Variants in ESRP2 observed in about 807,000 individuals in gnomAD.
ESRP2 encodes the protein epithelial splicing regulatory protein 2.
A neutral mutation model predicts 78.6 loss-of-function variants in ESRP2; 48 were observed. The observed-to-expected ratio is 0.61, with a 90% confidence interval of 0.48 to 0.78. The LOEUF is 0.78. ESRP2 is among the 30% of genes least tolerant of loss of function. ESRP2 has a pLI of 0.00. For synonymous variants in ESRP2, 383 were observed against 406.7 expected, an observed-to-expected ratio of 0.94 and a Z score of 0.70; for missense variants, 863 against 965.9, an observed-to-expected ratio of 0.89 and a Z score of 1.41.
At chr16:68,233,113 C>T (rs1303167930) in intron 5 of ESRP2, 6 of 606,594 alleles carry the variant, frequency 9.9e-6, no homozygotes, top group South Asian at 4.1e-5. Context: ...ACAGGAGAAT[C>T]GCTTGAACCC....
At position 68,235,502 on chromosome 16, in the gene ESRP2, G is replaced by C; in HGVS notation, c.327+132C>G. ...CACGCACACGCGAGAGTCGCTCAAA[G>C]TTTCAAACAAGAGCCCAGTCCTGCC... is the stretch of plus-strand genomic sequence containing the variant. On this transcript the variant is annotated intron_variant, in intron 2 of 14. Coordinates refer to ENST00000473183, the MANE Select transcript of ESRP2 (RefSeq NM_024939.3). This position sits in a 1 kb window ranked among gnomAD's most constrained non-coding sequence, Gnocchi z 5.5. The C allele has an allele frequency of 6.9e-7, 1 of 1,458,430 alleles. No individual in the cohort carries two copies. Among genetic ancestry groups the C allele is most frequent in the Non-Finnish European group, 9.0e-7 (1 of 1,111,878 alleles). The allele number at this position is 1,458,430 out of a possible 1,614,324, so 90.3% of individuals were successfully genotyped here.
chr16:68,233,531 A>G, intron 4 of ESRP2, 106 bp from the exon 5 acceptor site: 1 of 928,122 alleles, frequency 1.1e-6, no homozygotes, highest in East Asian at 2.4e-5. Flanking sequence ...ACCAGCATAC[A>G]CATTTGTTTT....
Position 68,233,812 on chromosome 16 carries a change from C to A in ESRP2, c.512G>T (p.Ser171Ile). 1 of 1,614,110 alleles carries A rather than the reference C, an allele frequency of 6.2e-7. No homozygotes were observed. Among genetic ancestry groups the A allele is most frequent in the Non-Finnish European group, 8.5e-7 (1 of 1,180,018 alleles). Residue 171 changes from serine to isoleucine, a missense_variant, in exon 4 of 15, where the codon AGC becomes ATC. By Grantham distance (142) the Ser-to-Ile change is moderately radical. Coordinates refer to ENST00000473183, the MANE Select transcript of ESRP2 (RefSeq NM_024939.3). The stretch of plus-strand genomic sequence containing the variant: ...AGTGAGGTCCCTGGCAGGGCAGGTG[C>A]TTGGATGCTGCATATGGAATTCTCT... ...LRREFHMQHP[S>I]TCPARDLTVA...
Position 68,231,731 on chromosome 16 carries a change from G to A in ESRP2, c.1300-37C>T. 1.9e-6 allele frequency: 3 copies of A among 1,594,234 alleles called. No individual in the cohort carries two copies. Among genetic ancestry groups the A allele is most frequent in the Non-Finnish European group, 2.6e-6 (3 of 1,167,400 alleles). ...GGCAGCAACAGGCTGGTCATGCCAAGTAGGGCAGGGACACAGAGGGCCGCC... is the reference window on the plus strand; with the variant it reads ...GGCAGCAACAGGCTGGTCATGCCAAATAGGGCAGGGACACAGAGGGCCGCC... On this transcript the variant is annotated intron_variant, in intron 10 of 14. Transcript: ENST00000473183. This position sits in a 1 kb window ranked among gnomAD's most constrained non-coding sequence, Gnocchi z 6.0.
intron 2 of ESRP2, 109 bp from the exon 3 acceptor site, chr16:68,234,216 T>C: frequency 1.2e-6 from 1 of 823,922 alleles, no homozygotes; most frequent in Non-Finnish European, 1.9e-6. Flanking sequence ...AGCCAGATGT[T>C]CAGCCCTATC....
rs2042206418 is a variant in ESRP2, at chr16:68,235,153, CG to C, written c.327+480del. ...GCCAGCCGGCCGGGACAGGCCTAGA[CG>C]AGCAGTTTACACCTGGCGGCGTCTA... is the stretch of plus-strand genomic sequence containing the variant. On this transcript the variant is annotated intron_variant, in intron 2 of 14. Coordinates refer to ENST00000473183, the MANE Select transcript of ESRP2 (RefSeq NM_024939.3). The surrounding 1 kb of genome is among the most constrained non-coding windows in gnomAD (Gnocchi z 5.5). 1.0e-6 allele frequency: 1 copy of C among 999,848 alleles called. No homozygotes were observed. Among genetic ancestry groups the C allele is most frequent in the Non-Finnish European group, 1.2e-6 (1 of 838,542 alleles). 61.9% of individuals were successfully genotyped at this position (999,848 alleles called of 1,614,324 possible).
chr16:68,235,800 C>A lies in ESRP2; in HGVS notation c.199-38G>T, dbSNP rs546915759. 3 of 1,609,828 alleles carry A rather than the reference C, an allele frequency of 1.9e-6. No homozygotes were observed. Among genetic ancestry groups the A allele is most frequent in the Middle Eastern group, 1.6e-4 (1 of 6,070 alleles). ...GGGGAAACCGATCAGCCGCGCCCCT[C>A]GACCCCGGAAGCTCCCTGGGGACCT... is the stretch of plus-strand genomic sequence containing the variant. On this transcript the variant is annotated intron_variant, in intron 1 of 14. Coordinates refer to ENST00000473183, the MANE Select transcript of ESRP2 (RefSeq NM_024939.3). The surrounding 1 kb of genome is among the most constrained non-coding windows in gnomAD (Gnocchi z 5.5).
rs987671272 is a variant in ESRP2 at position 68,235,479 on chromosome 16, C to G, written c.327+155G>C. On this transcript the variant is annotated intron_variant, in intron 2 of 14. Coordinates refer to ENST00000473183, the MANE Select transcript of ESRP2 (RefSeq NM_024939.3). The surrounding 1 kb of genome is among the most constrained non-coding windows in gnomAD (Gnocchi z 5.5). ...CTGGCACGCGCGGATGAAAGGGGCA[C>G]GCACACGCGAGAGTCGCTCAAAGTT... 6.1e-6 allele frequency: 6 copies of G among 985,344 alleles called. No homozygotes were observed. The highest frequency in any genetic ancestry group is 9.4e-5 in the South Asian group (2 of 21,296). The allele number at this position is 985,344 out of a possible 1,614,324, so 61.0% of individuals were successfully genotyped here. A position where few individuals can be genotyped will look rare whatever the true frequency, so the allele number is the denominator to read the frequency against.
rs780936867 is a variant in ESRP2 at position 68,230,296 on chromosome 16, G to A, written c.2084C>T (p.Thr695Ile). ...TGGGTCACCAACAGGCATCAGACTG[G>A]TGTAGTCATCAGCGGGTAGCTACAG... ...QAYQLPADDY[T>I]SLMPVGDPPR... The change falls in exon 15 of 15, where the codon ACC (threonine) becomes ATC (isoleucine). Residue 695 changes from threonine to isoleucine, a missense_variant. Thr to Ile is a moderately conservative substitution (Grantham distance 89, BLOSUM62 -1). Transcript: ENST00000473183. 1.9e-6 allele frequency: 3 copies of A among 1,614,228 alleles called. No homozygotes were observed. The highest frequency in any genetic ancestry group is 2.5e-6 in the Non-Finnish European group (3 of 1,180,040).
intron 14 of ESRP2, 28 bp downstream of exon 14, chr16:68,230,359 CCG>C (rs1397215320): frequency 2.5e-6 from 4 of 1,614,124 alleles, no homozygotes; most frequent in Non-Finnish European, 3.4e-6. Context: ...TCAGCCAGAC[CCG>C]CCAGGCCCTC....
Position 68,230,400 on chromosome 16 carries a change from G to C in ESRP2, c.2053C>G (p.Gln685Glu). The C allele has an allele frequency of 6.2e-7, 1 of 1,613,826 alleles. No individual in the cohort carries two copies. The highest frequency in any genetic ancestry group is 8.5e-7 in the Non-Finnish European group (1 of 1,179,788). Residue 685 changes from glutamine to glutamate, a missense_variant, in exon 14 of 15, where the codon CAG becomes GAG. Gln to Glu is a conservative substitution (Grantham distance 29, BLOSUM62 2). Coordinates refer to ENST00000473183, the MANE Select transcript of ESRP2 (RefSeq NM_024939.3). ...CCACACAATCTCACCTGGTAGGCCT[G>C]GAAGACGCTGAGCAGATCCTTCATA... The part of the protein sequence containing the change: ...AGMKDLLSVF[Q>E]AYQLPADDYT...
chr16:68,232,278 GCTTTA>G lies in ESRP2; in HGVS notation c.960_964del (p.Lys321AspfsTer66). On this transcript the variant is annotated frameshift_variant, in exon 9 of 15. Coordinates refer to ENST00000473183, the MANE Select transcript of ESRP2 (RefSeq NM_024939.3). LOFTEE classifies it high-confidence loss of function. The surrounding 1 kb of genome is among the most constrained non-coding windows in gnomAD (Gnocchi z 5.2). ...AATCTTTACAAACTCCTCCCCTGTCGCTTTATACACCTGTGGGTACAGAGAGCAGC... is the reference window on the plus strand; with the variant it reads ...AATCTTTACAAACTCCTCCCCTGTCGTACACCTGTGGGTACAGAGAGCAGC... The G allele has an allele frequency of 1.2e-6, 2 of 1,614,138 alleles. No individual in the cohort carries two copies. The highest frequency in any genetic ancestry group is 1.7e-6 in the Non-Finnish European group (2 of 1,180,012).
chr16:68,232,888 G>A lies in ESRP2; in HGVS notation c.656-73C>T. ...GTCCCCACCAAGTTCTGCAAAAAGT[G>A]GACAATTGAGAGAGATGAAGAAATG... On this transcript the variant is annotated intron_variant, in intron 5 of 14. Transcript: ENST00000473183. This position sits in a 1 kb window ranked among gnomAD's most constrained non-coding sequence, Gnocchi z 5.2. 2 of 1,599,414 alleles carry A rather than the reference G, an allele frequency of 1.3e-6. No individual in the cohort carries two copies. Among genetic ancestry groups the A allele is most frequent in the Non-Finnish European group, 1.7e-6 (2 of 1,168,574 alleles).
chr16:68,234,982 T>C (rs898439752), intron 2 of ESRP2: 10 of 270,044 alleles, frequency 3.7e-5, no homozygotes, highest in Middle Eastern at 1.9e-3. Flanking sequence ...GAGTCAGACA[T>C]AGAATGAGCG....
At position 68,233,892 on chromosome 16, in the gene ESRP2, C is replaced by G. The variant is rs777188251; in HGVS notation, c.442-10G>C. 7 of 1,612,292 alleles carry G rather than the reference C, an allele frequency of 4.3e-6. No individual in the cohort carries two copies. In the East Asian group the frequency reaches 1.3e-4, roughly 31 times the overall value. ...CGGGGAGCACCAGGTTCTGGGGGCA[C>G]ATAGGATTGAGGATGAGCGCCCTGC... On this transcript the variant is annotated splice_polypyrimidine_tract_variant and intron_variant, in intron 3 of 14. Coordinates refer to ENST00000473183, the MANE Select transcript of ESRP2 (RefSeq NM_024939.3).
chr16:68,231,951 C>T lies in ESRP2; in HGVS notation c.1150G>A (p.Val384Met). The T allele has an allele frequency of 6.2e-7, 1 of 1,614,068 alleles. No individual in the cohort carries two copies. Among genetic ancestry groups the T allele is most frequent in the Non-Finnish European group, 8.5e-7 (1 of 1,180,020 alleles). The change falls in exon 10 of 15, where the codon GTG becomes ATG. Residue 384 changes from valine to methionine, a missense_variant. Transcript: ENST00000473183. The surrounding 1 kb of genome is among the most constrained non-coding windows in gnomAD (Gnocchi z 6.0). ...GTCGGCCGGCCATCAGGATGGCGCACAAAGAGCAGCCCCTCGGTACCCCCA... is the reference window on the plus strand; with the variant it reads ...GTCGGCCGGCCATCAGGATGGCGCATAAAGAGCAGCCCCTCGGTACCCCCA... ...VTGGTEGLLF[V>M]RHPDGRPTGD...
chr16:68,230,155 TG>T lies in ESRP2; in HGVS notation c.*70del. The T allele has an allele frequency of 7.0e-7, 1 of 1,433,428 alleles. No individual in the cohort carries two copies. The allele number at this position is 1,433,428 out of a possible 1,614,324, so 88.8% of individuals were successfully genotyped here. A position where few individuals can be genotyped will look rare whatever the true frequency, so the allele number is the denominator to read the frequency against. On this transcript the variant is annotated 3_prime_UTR_variant, in exon 15 of 15. Transcript: ENST00000473183. ...AAAGAAGCTACCAGGTTGAGGGTGC[TG>T]GTCTTCTGGACTCAGGAGAGACATG...
chr16:68,235,240 G>A lies in ESRP2; in HGVS notation c.327+394C>T. ...AGCAGCTCCCAAGCAGGCCGAAGAC[G>A]CGGGCCGCAAGGACAGGTGACCTAT... On this transcript the variant is annotated intron_variant, in intron 2 of 14. Coordinates refer to ENST00000473183, the MANE Select transcript of ESRP2 (RefSeq NM_024939.3). This position sits in a 1 kb window ranked among gnomAD's most constrained non-coding sequence, Gnocchi z 5.5. 1 of 985,432 alleles carries A rather than the reference G, an allele frequency of 1.0e-6. No homozygotes were observed. The highest frequency in any genetic ancestry group is 1.2e-6 in the Non-Finnish European group (1 of 829,918). The allele number at this position is 985,432 out of a possible 1,614,324, so 61.0% of individuals were successfully genotyped here.
Position 68,235,453 on chromosome 16 carries a change from GC to G in ESRP2, c.327+180del, listed in dbSNP as rs2151196895. The G allele has an allele frequency of 1.0e-6, 1 of 985,434 alleles. No homozygotes were observed. The highest frequency in any genetic ancestry group is 4.7e-5 in the South Asian group (1 of 21,292). The allele number at this position is 985,434 out of a possible 1,614,324, so 61.0% of individuals were successfully genotyped here. A position where few individuals can be genotyped will look rare whatever the true frequency, so the allele number is the denominator to read the frequency against. The stretch of plus-strand genomic sequence containing the variant: ...GAAAAGTAAGGAGCCCAGGGGAATG[GC>G]TGGCACGCGCGGATGAAAGGGGCAC... On this transcript the variant is annotated intron_variant, in intron 2 of 14. Transcript: ENST00000473183. This position sits in a 1 kb window ranked among gnomAD's most constrained non-coding sequence, Gnocchi z 5.5.
Sources: allele counts gnomAD v4.1 joint callset, GRCh38; gene constraint gnomAD v4.1.1; non-coding constraint Gnocchi (gnomAD v3.1); transcripts MANE v1.5; gene names NCBI Gene and HGNC (gene_info 2026-07-23, HGNC 2026-07-21).